Variants in CELF2 observed in about 807,000 individuals in gnomAD.
The protein encoded by CELF2 is CUG triplet repeat RNA-binding protein 2.
In CELF2, 8 loss-of-function variants were observed where a neutral mutation model predicts 62.6. That is an observed-to-expected ratio of 0.13 (90% CI 0.07 to 0.23). The LOEUF is 0.23. Among genes scored for constraint, CELF2 ranks in the 10% least tolerant of loss-of-function variants. The pLI, the probability that CELF2 is intolerant of heterozygous loss-of-function variation, is 1.00. For synonymous variants in CELF2, 258 were observed against 250.0 expected, an observed-to-expected ratio of 1.03 and a Z score of -0.30; for missense variants, 333 against 671.0, an observed-to-expected ratio of 0.50 and a Z score of 5.56.
intron 1 of CELF2, among the ~76,000 whole-genome samples, chr10:11,118,273 G>C (rs950941405): frequency 2.0e-5 from 3 of 152,000 alleles, no homozygotes; most frequent in Non-Finnish European, 2.9e-5. Flanking sequence ...CCAAGGCTTG[G>C]TGTACTGTTT....
intron 2 of CELF2, among the ~76,000 whole-genome samples, chr10:11,173,458 T>A (rs2069706814): frequency 6.6e-6 from 1 of 152,258 alleles, no homozygotes; most frequent in African/African-American, 2.4e-5. Flanking sequence ...CATAGTTAAG[T>A]TGTATTTTAG....
chr10:11,140,428 C>G (rs2061151222), intron 1 of CELF2, among the ~76,000 whole-genome samples: 1 of 151,862 alleles, frequency 6.6e-6, no homozygotes, highest in African/African-American at 2.4e-5. Context: ...ATTTAAGTGC[C>G]CCATTTCAAC....
intron 2 of CELF2, among the ~76,000 whole-genome samples, chr10:10,964,153 G>A (rs964930047): frequency 2.6e-5 from 4 of 152,186 alleles, no homozygotes; most frequent in African/African-American, 9.6e-5. Context: ...GGACAAGTTT[G>A]TAGTTAAACT....
the CELF2 span, among the ~76,000 whole-genome samples, chr10:10,470,177 C>T: frequency 6.6e-6 from 1 of 151,824 alleles, no homozygotes; most frequent in Non-Finnish European, 1.5e-5. Context: ...ACCTTCATGG[C>T]CATAAAATAT....
chr10:10,582,948 A>G, the CELF2 span, among the ~76,000 whole-genome samples: 1 of 152,216 alleles, frequency 6.6e-6, no homozygotes, highest in African/African-American at 2.4e-5. Context: ...GGAATAAAAC[A>G]TTCAGTCTTG....
At chr10:11,137,030 C>T (rs2060541371) in intron 1 of CELF2, among the ~76,000 whole-genome samples, 1 of 151,996 alleles carries the variant, frequency 6.6e-6, no homozygotes. Context: ...TAAATACATA[C>T]ATATATGTGT....
chr10:10,948,851 A>G (rs1045009998), intron 2 of CELF2, among the ~76,000 whole-genome samples: 2 of 152,084 alleles, frequency 1.3e-5, no homozygotes, highest in African/African-American at 4.8e-5. Flanking sequence ...CCCTGTCTGA[A>G]TTCCTCTGCT....
chr10:11,142,683 C>CAAA (rs1006618543), intron 1 of CELF2, among the ~76,000 whole-genome samples: 9,113 of 63,488 alleles, frequency 0.14, 538 homozygotes, highest in Middle Eastern at 0.15. Context: ...GACGCTGTCT[C>CAAA]AAAAAAAAAA....
the CELF2 span, among the ~76,000 whole-genome samples, chr10:10,627,673 T>C: frequency 1.8e-4 from 28 of 152,148 alleles, no homozygotes; most frequent in Non-Finnish European, 2.9e-4. Context: ...AAAGAACCTA[T>C]GGGGTCAACT....
At position 11,305,309 on chromosome 10, in the gene CELF2, C is replaced by G. The variant is rs1357273353; in HGVS notation, c.977-8830C>G. Among the ~76,000 whole-genome samples the G allele has an allele frequency of 1.3e-5, 2 of 152,238 alleles. No individual in the cohort carries two copies. Among genetic ancestry groups the G allele is most frequent in the Non-Finnish European group, 2.9e-5 (2 of 68,046 alleles). ...CCCTTCCTCCACAACTGCTGTATCC[C>G]TAAGTGGCAAAGGCCATTGGCCTCC... On this transcript the variant is annotated intron_variant, in intron 9 of 12. Transcript: ENST00000633077. The surrounding 1 kb of genome is among the most constrained non-coding windows in gnomAD (Gnocchi z 4.8).
At chr10:11,283,736 G>A (rs2089864235) in intron 8 of CELF2, among the ~76,000 whole-genome samples, 1 of 151,950 alleles carries the variant, frequency 6.6e-6, no homozygotes, top group African/African-American at 2.4e-5. Context: ...CCTGGCCTGA[G>A]CCTAGAATGG....
At chr10:10,750,172 C>T in the CELF2 span, among the ~76,000 whole-genome samples, 2 of 151,934 alleles carry the variant, frequency 1.3e-5, no homozygotes, top group Non-Finnish European at 2.9e-5. Context: ...ATCCCAGCTA[C>T]GCAGGAGGCT....
chr10:10,812,301 T>C (rs1034021713), intron 1 of CELF2, among the ~76,000 whole-genome samples: 1 of 152,160 alleles, frequency 6.6e-6, no homozygotes, highest in Non-Finnish European at 1.5e-5. Flanking sequence ...ACTTATTCAC[T>C]ACCATGAGAA....
At chr10:10,752,662 C>T in the CELF2 span, among the ~76,000 whole-genome samples, 1 of 122,298 alleles carries the variant, frequency 8.2e-6, no homozygotes, top group African/African-American at 3.3e-5. Flanking sequence ...TGCACTCCAG[C>T]CTGATGACAG....
the CELF2 span, among the ~76,000 whole-genome samples, chr10:10,566,419 A>T: frequency 0.028 from 3,847 of 136,390 alleles, 157 homozygotes; most frequent in African/African-American, 0.092. Context: ...TTTTTTTTTA[A>T]TTTTTTTTTT....
At chr10:10,907,758 G>GA (rs1286621687) in intron 1 of CELF2, among the ~76,000 whole-genome samples, 1 of 152,068 alleles carries the variant, frequency 6.6e-6, no homozygotes, top group Non-Finnish European at 1.5e-5. Context: ...CGTTGCTACA[G>GA]AAAAAAGACG....
chr10:11,145,422 C>T lies in CELF2; in HGVS notation c.75-20064C>T, dbSNP rs1164828819. ...ATAATAGCAGGTTGTATGCAGGACT[C>T]CCACGTTTGAAAACATGACTGCCTG... On this transcript the variant is annotated intron_variant, in intron 1 of 12. Coordinates refer to ENST00000633077, the MANE Select transcript of CELF2 (RefSeq NM_001326342.2). This position sits in a 1 kb window ranked among gnomAD's most constrained non-coding sequence, Gnocchi z 4.3. Among the ~76,000 whole-genome samples, 1 of 152,186 alleles carries T rather than the reference C, an allele frequency of 6.6e-6. No individual in the cohort carries two copies. Among genetic ancestry groups the T allele is most frequent in the East Asian group, 1.9e-4 (1 of 5,196 alleles).
Position 11,046,494 on chromosome 10 carries a change from C to G in CELF2, c.74+28331C>G, listed in dbSNP as rs184110364. 1.3e-5 allele frequency among the ~76,000 whole-genome samples: 2 copies of G among 152,152 alleles called. No homozygotes were observed. The highest frequency in any genetic ancestry group is 2.9e-5 in the Non-Finnish European group (2 of 68,032). On this transcript the variant is annotated intron_variant, in intron 1 of 12. Transcript: ENST00000633077. The surrounding 1 kb of genome is among the most constrained non-coding windows in gnomAD (Gnocchi z 4.6). The stretch of plus-strand genomic sequence containing the variant: ...AAAGTATATTAAGGTTCTCATTAGG[C>G]GCACTGCCTGATTCTCATTAAGACT...
chr10:11,151,441 T>A (rs2063317973), intron 1 of CELF2, among the ~76,000 whole-genome samples: 1 of 152,158 alleles, frequency 6.6e-6, no homozygotes, highest in East Asian at 1.9e-4. Flanking sequence ...TTATGGATTG[T>A]TGGTTTTGTA....
Sources: allele counts gnomAD v4.1 joint callset (sites outside exome capture counted in the v4.1 genomes callset), GRCh38; gene constraint gnomAD v4.1.1; non-coding constraint Gnocchi (gnomAD v3.1); transcripts MANE v1.5; gene names NCBI Gene and HGNC (gene_info 2026-07-23, HGNC 2026-07-21).